KIF1B: variants seen among roughly 807,000 people sequenced by gnomAD.
KIF1B encodes kinesin-like protein KIF1B.
A neutral mutation model predicts 241.9 loss-of-function variants in KIF1B; 76 were observed. The ratio of observed to expected loss-of-function variants is 0.31; its 90% CI spans 0.26 to 0.38. The LOEUF is 0.38. KIF1B is among the 10% of genes least tolerant of loss of function. KIF1B has a pLI of 1.00. For missense variants in KIF1B, 1,622 were observed against 2,271.4 expected (o/e 0.71, Z 5.81); for synonymous variants, 750 against 796.7 (o/e 0.94, Z 0.99).
At chr1:10,331,893 A>G (rs1427624711) in intron 27 of KIF1B, among the ~76,000 whole-genome samples, 1 of 152,214 alleles carries the variant, frequency 6.6e-6, no homozygotes, top group African/African-American at 2.4e-5. Context: ...TAGCTACACA[A>G]TAAAGAAGAA....
At chr1:10,261,846 G>C in intron 4 of KIF1B, 59 bp from the exon 5 acceptor site, 1 of 1,064,846 alleles carries the variant, frequency 9.4e-7, no homozygotes, top group Non-Finnish European at 1.5e-6. Flanking sequence ...AGCACGCGTG[G>C]ATGACTTAGT....
rs1557644289 is a variant in KIF1B, at chr1:10,220,409, A to AGATAGATAGAT, written c.-80+9532_-80+9542dup. Among the ~76,000 whole-genome samples the AGATAGATAGAT allele has an allele frequency of 1.9e-3, 282 of 150,444 alleles. 1 individual carries two copies. Among genetic ancestry groups the AGATAGATAGAT allele is most frequent in the East Asian group, 9.6e-3 (49 of 5,122 alleles). ...ATAGATAGATAGATGATAGATAGAT[A>AGATAGATAGAT]GATAGATAGATAGATAGATAGATAG... On this transcript the variant is annotated intron_variant, in intron 1 of 48. Coordinates refer to ENST00000676179, the MANE Select transcript of KIF1B (RefSeq NM_001365951.3).
rs764022395 is a variant in KIF1B, at chr1:10,258,467, T to G, written c.184-26T>G. 8.1e-6 allele frequency: 13 copies of G among 1,602,140 alleles called. No individual in the cohort carries two copies. The Admixed American group carries it at 1.8e-4, about 23-fold the overall frequency. ...AGGAAGAAATATTAATAAAAGGTTA[T>G]TTATTTCTCCTTTTACTCTTTACAG... On this transcript the variant is annotated intron_variant, in intron 3 of 48. Coordinates refer to ENST00000676179, the MANE Select transcript of KIF1B (RefSeq NM_001365951.3).
Position 10,373,445 on chromosome 1 carries a change from G to C in KIF1B, c.4947-871G>C, listed in dbSNP as rs556107009. Among the ~76,000 whole-genome samples the C allele has an allele frequency of 2.0e-5, 3 of 149,986 alleles. No homozygotes were observed. The South Asian group carries it at 6.3e-4, about 32-fold the overall frequency. ...AGACGGGGTTTCGCCATGTTGGTCA[G>C]GCTGGTCTCAAACTCCTGACCTCAG... On this transcript the variant is annotated intron_variant, in intron 45 of 48. Transcript: ENST00000676179.
chr1:10,256,567 C>T (rs796097814), intron 3 of KIF1B, among the ~76,000 whole-genome samples: 26 of 152,100 alleles, frequency 1.7e-4, no homozygotes, highest in African/African-American at 6.3e-4. Context: ...ATTTAGTTTA[C>T]ACCAAATTTA....
chr1:10,340,046 TAC>T (rs1167607695), intron 32 of KIF1B, among the ~76,000 whole-genome samples, 187 bp downstream of exon 32: 1 of 152,180 alleles, frequency 6.6e-6, no homozygotes, highest in African/African-American at 2.4e-5. Context: ...TTGTCTGTGT[TAC>T]AGTGGGCCTA....
rs1377906445 is a variant in KIF1B at position 10,374,683 on chromosome 1, G to A, written c.5097-171G>A. On this transcript the variant is annotated intron_variant, in intron 46 of 48. Transcript: ENST00000676179. This position sits in a 1 kb window ranked among gnomAD's most constrained non-coding sequence, Gnocchi z 4.3. ...CTGGCGCAGCATGTTGCCATGGCAC[G>A]GTTTCGCTTTTGCCGTATTACTTTG... 6.6e-6 allele frequency among the ~76,000 whole-genome samples: 1 copy of A among 152,174 alleles called. No homozygotes were observed. The highest frequency in any genetic ancestry group is 2.4e-5 in the African/African-American group (1 of 41,444).
Position 10,376,793 on chromosome 1 carries a change from G to A in KIF1B, c.*206G>A, listed in dbSNP as rs916891271. ...TCTTTTTTCTTGTGCTGAGAATCTC[G>A]TTAGTAGCATGTGGCCTAACAAAAG... is the stretch of plus-strand genomic sequence containing the variant. On this transcript the variant is annotated 3_prime_UTR_variant, in exon 49 of 49. Coordinates refer to ENST00000676179, the MANE Select transcript of KIF1B (RefSeq NM_001365951.3). The A allele has an allele frequency of 2.3e-5, 13 of 570,936 alleles. No individual in the cohort carries two copies. The highest frequency in any genetic ancestry group is 9.2e-5 in the East Asian group (3 of 32,782). The allele number at this position is 570,936 out of a possible 1,614,324, so 35.4% of individuals were successfully genotyped here.
In KIF1B at chr1:10,245,206, A is replaced by G. The variant is rs557547937; in HGVS notation, c.107-11041A>G. The stretch of plus-strand genomic sequence containing the variant: ...CCTTATTTTCTAGGGCTCAGTAATT[A>G]AAGTGTTATTTCTGCATCTTTATGC... On this transcript the variant is annotated intron_variant, in intron 2 of 48. Transcript: ENST00000676179. Among the ~76,000 whole-genome samples, 98 of 152,288 alleles carry G rather than the reference A, an allele frequency of 6.4e-4. 3 individuals carry two copies. In the South Asian group the frequency reaches 0.02, roughly 31 times the overall value.
chr1:10,371,284 A>G (rs776271181), intron 45 of KIF1B, 22 bp downstream of exon 45: 2 of 1,613,740 alleles, frequency 1.2e-6, no homozygotes, highest in Non-Finnish European at 1.7e-6. Context: ...GATTTCACTG[A>G]GAGAAGTCAA....
intron 5 of KIF1B, among the ~76,000 whole-genome samples, chr1:10,263,143 C>T (rs1389852232): frequency 2.0e-5 from 3 of 151,718 alleles, no homozygotes; most frequent in Non-Finnish European, 2.9e-5. Context: ...AATTAGCCGG[C>T]TGTGGTGGTG....
chr1:10,297,146 G>C (rs748282766), intron 21 of KIF1B, 28 bp from the exon 22 acceptor site: 1 of 1,443,950 alleles, frequency 6.9e-7, no homozygotes, highest in Admixed American at 1.7e-5. Flanking sequence ...TAGCATTCTT[G>C]AATTTTTTTT....
chr1:10,318,699 A>G (rs1470229191), intron 22 of KIF1B, among the ~76,000 whole-genome samples: 2 of 152,168 alleles, frequency 1.3e-5, no homozygotes, highest in Non-Finnish European at 2.9e-5. Flanking sequence ...AGCCTGGACA[A>G]TAATAGAGTG....
intron 5 of KIF1B, among the ~76,000 whole-genome samples, chr1:10,262,494 T>C (rs892833951): frequency 2.6e-5 from 4 of 152,188 alleles, no homozygotes; most frequent in Admixed American, 2.6e-4. Flanking sequence ...TTTGCAGTTA[T>C]TATCTTTTGT....
chr1:10,211,438 T>C (rs1200952089), intron 1 of KIF1B, among the ~76,000 whole-genome samples: 1 of 151,944 alleles, frequency 6.6e-6, no homozygotes, highest in Non-Finnish European at 1.5e-5. Context: ...TGGCCAGGTG[T>C]GAGGAAGGCT....
At chr1:10,251,461 G>A (rs189842795) in intron 2 of KIF1B, among the ~76,000 whole-genome samples, 169 of 151,908 alleles carry the variant, frequency 1.1e-3, no homozygotes, top group Non-Finnish European at 1.8e-3. Context: ...TTGGCTGGGC[G>A]CGGTGGCTCA....
rs17034643 is a variant in KIF1B, at chr1:10,272,044, C to T, written c.799-197C>T. On this transcript the variant is annotated intron_variant, in intron 8 of 48. Transcript: ENST00000676179. ...GAGCACAAATATCTCGAAGATACTTCAGGACTGTGAGTTAGGCATGTGGTC... is the reference window on the plus strand; with the variant it reads ...GAGCACAAATATCTCGAAGATACTTTAGGACTGTGAGTTAGGCATGTGGTC... Among the ~76,000 whole-genome samples the T allele has an allele frequency of 0.34, 51,334 of 152,048 alleles. 8,827 individuals carry two copies. Among genetic ancestry groups the T allele is most frequent in the Admixed American group, 0.38 (5,770 of 15,272 alleles).
chr1:10,256,440 C>T (rs1024363545), intron 3 of KIF1B, 117 bp downstream of exon 3: 4 of 766,972 alleles, frequency 5.2e-6, no homozygotes, highest in Admixed American at 1.8e-5. Flanking sequence ...TGTTGTGTAG[C>T]ATGAGTTCAT....
intron 36 of KIF1B, 75 bp downstream of exon 36, chr1:10,347,902 T>C: frequency 7.8e-7 from 1 of 1,279,904 alleles, no homozygotes; most frequent in Non-Finnish European, 1.1e-6. Context: ...GAATTCTTTC[T>C]TATTCTCTGT....
Sources: allele counts gnomAD v4.1 joint callset (sites outside exome capture counted in the v4.1 genomes callset), GRCh38; gene constraint gnomAD v4.1.1; non-coding constraint Gnocchi (gnomAD v3.1); transcripts MANE v1.5; gene names NCBI Gene and HGNC (gene_info 2026-07-23, HGNC 2026-07-21).